ATP8B4: variants seen among roughly 807,000 people sequenced by gnomAD.
The protein encoded by ATP8B4 is probable phospholipid-transporting ATPase IM.
A neutral mutation model predicts 145.6 loss-of-function variants in ATP8B4; 133 were observed. The ratio of observed to expected loss-of-function variants is 0.91; its 90% CI spans 0.79 to 1.05. ATP8B4 has a LOEUF of 1.05. ATP8B4 is among the 50% of genes least tolerant of loss of function. ATP8B4 has a pLI of 0.00. For missense variants in ATP8B4, 1,458 were observed against 1,425.2 expected (o/e 1.02, Z -0.37); for synonymous variants, 507 against 492.9 (o/e 1.03, Z -0.38).
intron 14 of ATP8B4, among the ~76,000 whole-genome samples, chr15:49,956,705 C>G (rs1307026219): frequency 1.3e-5 from 2 of 152,050 alleles, no homozygotes; most frequent in Non-Finnish European, 2.9e-5. Context: ...GCATGCCTAG[C>G]TAATTGGTTT....
chr15:50,179,901 A>G (rs780158348), intron 1 of ATP8B4, among the ~76,000 whole-genome samples: 27 of 152,368 alleles, frequency 1.8e-4, no homozygotes, highest in Non-Finnish European at 2.9e-4. Context: ...TAAGACATCT[A>G]TTAACCTCGT....
At chr15:50,060,636 C>T (rs1194202243) in intron 3 of ATP8B4, among the ~76,000 whole-genome samples, 2 of 152,144 alleles carry the variant, frequency 1.3e-5, no homozygotes, top group Non-Finnish European at 2.9e-5. Context: ...TTCCCCGCCC[C>T]GCCCCCACCA....
chr15:50,089,790 G>A (rs1187152029), intron 2 of ATP8B4, among the ~76,000 whole-genome samples: 1 of 152,010 alleles, frequency 6.6e-6, no homozygotes, highest in Non-Finnish European at 1.5e-5. Context: ...CAACCATTGT[G>A]GAAGTCAGTA....
intron 5 of ATP8B4, among the ~76,000 whole-genome samples, chr15:50,043,190 T>A (rs1446669906): frequency 6.6e-6 from 1 of 152,198 alleles, no homozygotes; most frequent in African/African-American, 2.4e-5. Context: ...GCACATGCAA[T>A]CACTCAGGAT....
At chr15:50,166,952 G>A (rs55853214) in intron 1 of ATP8B4, among the ~76,000 whole-genome samples, 28,658 of 152,090 alleles carry the variant, frequency 0.19, 2,864 homozygotes, top group Middle Eastern at 0.24. Context: ...TAAGTGATCC[G>A]TTAATTTGAG....
chr15:49,999,833 T>C (rs957203288), intron 8 of ATP8B4, among the ~76,000 whole-genome samples: 7 of 152,104 alleles, frequency 4.6e-5, no homozygotes, highest in African/African-American at 1.7e-4. Context: ...TCCATAGCCG[T>C]ACCCACCTCC....
At chr15:50,175,598 T>A (rs2044750392) in intron 1 of ATP8B4, among the ~76,000 whole-genome samples, 1 of 152,184 alleles carries the variant, frequency 6.6e-6, no homozygotes, top group Non-Finnish European at 1.5e-5. Flanking sequence ...TATTAAAAAA[T>A]GCTCAACATC....
chr15:50,053,726 G>A (rs969457706), intron 3 of ATP8B4, among the ~76,000 whole-genome samples: 4 of 152,042 alleles, frequency 2.6e-5, no homozygotes, highest in Non-Finnish European at 5.9e-5. Context: ...GGGGGGGTGG[G>A]GTGAAGGTGG....
chr15:50,112,259 A>G (rs1368710196), intron 1 of ATP8B4, among the ~76,000 whole-genome samples: 2 of 152,164 alleles, frequency 1.3e-5, no homozygotes, highest in African/African-American at 4.8e-5. Context: ...GCACAGGCAG[A>G]GCCTTGGCAG....
intron 26 of ATP8B4, among the ~76,000 whole-genome samples, chr15:49,865,534 G>C (rs1018126007): frequency 1.3e-5 from 2 of 152,202 alleles, no homozygotes; most frequent in Non-Finnish European, 2.9e-5. Context: ...TGTGGGGGCA[G>C]TCATGCGGAA....
Position 50,012,539 on chromosome 15 carries a change from T to TA in ATP8B4, c.363-1623dup, listed in dbSNP as rs139243402. ...TCCAAACTACTTCATCAATAACCTT[T>TA]ACAATGGACAATTGGACACACTTTT... is the stretch of plus-strand genomic sequence containing the variant. On this transcript the variant is annotated intron_variant, in intron 6 of 27. Transcript: ENST00000284509. Among the ~76,000 whole-genome samples, 297 of 152,250 alleles carry TA rather than the reference T, an allele frequency of 2.0e-3. 1 individual carries two copies. The highest frequency in any genetic ancestry group is 6.9e-3 in the African/African-American group (288 of 41,554).
chr15:49,895,443 A>G (rs1252042781), intron 23 of ATP8B4: 2 of 152,250 alleles, frequency 1.3e-5, no homozygotes, highest in Non-Finnish European at 2.9e-5. Flanking sequence ...CAGATGGTCA[A>G]CTGGGACTAA....
intron 6 of ATP8B4, among the ~76,000 whole-genome samples, 180 bp from the exon 7 acceptor site, chr15:50,011,097 G>A (rs1038998384): frequency 1.3e-5 from 2 of 152,064 alleles, no homozygotes; most frequent in African/African-American, 4.8e-5. Context: ...TTAAGTGATT[G>A]GTCAAAGATA....
Position 50,126,785 on chromosome 15 carries a change from T to TA in ATP8B4, c.-42-19778dup, listed in dbSNP as rs2057310326. On this transcript the variant is annotated intron_variant, in intron 1 of 3. Coordinates refer to the ATP8B4 transcript ENST00000558829. Reference sequence around the variant, plus strand: ...AGCTTGAAACAATAGCCAAAGAAGTTAGAGTCCCAATAGAAACTAAAAATA... The same window carrying TA: ...AGCTTGAAACAATAGCCAAAGAAGTTAAGAGTCCCAATAGAAACTAAAAATA... Among the ~76,000 whole-genome samples the TA allele has an allele frequency of 2.6e-5, 4 of 152,160 alleles. No individual in the cohort carries two copies. The South Asian group carries it at 8.3e-4, about 32-fold the overall frequency.
rs768792174 is a variant in ATP8B4 at position 50,038,819 on chromosome 15, T to C, written c.311A>G (p.Lys104Arg). 1.9e-6 allele frequency: 3 copies of C among 1,613,608 alleles called. No homozygotes were observed. The highest frequency in any genetic ancestry group is 1.7e-5 in the Admixed American group (1 of 60,006). ...CCGATTATTCACTTGATTATCACTC[T>C]TGTGGCGAAACTGAAAAATCAAAGT... ...KDATDDYFRHKSDNQVNNRQS... is the reference protein window; with the variant it reads ...KDATDDYFRHRSDNQVNNRQS... Residue 104 changes from lysine to arginine, a missense_variant, in exon 6 of 28, where the codon AAG (lysine) becomes AGG (arginine). By Grantham distance (26) the Lys-to-Arg change is conservative. Transcript: ENST00000284509.
At chr15:50,058,259 C>T (rs2052749022) in intron 3 of ATP8B4, among the ~76,000 whole-genome samples, 1 of 152,148 alleles carries the variant, frequency 6.6e-6, no homozygotes, top group South Asian at 2.1e-4. Context: ...CTTTAGGGAT[C>T]TTGTATGATC....
intron 1 of ATP8B4, among the ~76,000 whole-genome samples, chr15:50,125,688 T>C (rs561835231): frequency 6.6e-5 from 10 of 152,270 alleles, no homozygotes; most frequent in Admixed American, 5.9e-4. Context: ...GTGGGGGCAA[T>C]TGTTTAAAGG....
intron 6 of ATP8B4, among the ~76,000 whole-genome samples, chr15:50,012,927 G>A (rs1403271377): frequency 6.6e-6 from 1 of 152,022 alleles, no homozygotes; most frequent in African/African-American, 2.4e-5. Flanking sequence ...ACTTAACTAG[G>A]AACTCAGAGA....
chr15:49,944,973 A>G (rs1197312956), intron 14 of ATP8B4, among the ~76,000 whole-genome samples: 1 of 152,186 alleles, frequency 6.6e-6, no homozygotes, highest in Admixed American at 6.5e-5. Flanking sequence ...CTGGCTCAAA[A>G]AAGAAATTTG....
Sources: gnomAD v4.1 joint callset for allele counts (sites outside exome capture counted in the v4.1 genomes callset) on GRCh38, gnomAD v4.1.1 for gene constraint, MANE v1.5 for transcripts, NCBI Gene and HGNC (gene_info 2026-07-23, HGNC 2026-07-21) for gene names.